TNNI3K: variants seen among roughly 807,000 people sequenced by gnomAD.
TNNI3K encodes TNNI3 interacting kinase.
A neutral mutation model predicts 114.5 loss-of-function variants in TNNI3K; 140 were observed. That is an observed-to-expected ratio of 1.22 (90% CI 1.07 to 1.41). The LOEUF (loss-of-function observed/expected upper bound fraction) is 1.41. Ranked by LOEUF, TNNI3K falls within the 40% of genes most tolerant of loss-of-function variation. The pLI is 0.00. For synonymous variants in TNNI3K, 347 were observed against 347.5 expected (o/e 1.00, Z 0.02); for missense variants, 1,125 against 1,007.6 (o/e 1.12, Z -1.58).
chr1:74,301,369 T>C (rs1241212696), intron 5 of TNNI3K, among the ~76,000 whole-genome samples: 2 of 151,914 alleles, frequency 1.3e-5, no homozygotes, highest in African/African-American at 4.8e-5. Flanking sequence ...CACTGCACCC[T>C]AGCCTAGGCA....
At chr1:74,300,853 A>C (rs1658282083) in intron 5 of TNNI3K, among the ~76,000 whole-genome samples, 3 of 152,166 alleles carry the variant, frequency 2.0e-5, no homozygotes, top group African/African-American at 7.2e-5. Flanking sequence ...TACTTTATCA[A>C]ACTCTACATT....
intron 5 of TNNI3K, among the ~76,000 whole-genome samples, chr1:74,289,484 G>A (rs1657542325): frequency 1.5e-5 from 1 of 65,254 alleles, no homozygotes; most frequent in Non-Finnish European, 3.4e-5. Context: ...CCCATAGGTA[G>A]TGTCATTAGT....
chr1:74,258,363 A>G (rs1016401293), intron 4 of TNNI3K, among the ~76,000 whole-genome samples: 2 of 152,180 alleles, frequency 1.3e-5, no homozygotes, highest in Non-Finnish European at 2.9e-5. Context: ...ACTCAGTGAG[A>G]CTTCCTATTA....
At chr1:74,305,627 C>T (rs1271136507) in intron 5 of TNNI3K, among the ~76,000 whole-genome samples, 1 of 152,124 alleles carries the variant, frequency 6.6e-6, no homozygotes, top group Non-Finnish European at 1.5e-5. Flanking sequence ...AGGCTGACAG[C>T]TAAGGGCTGT....
At chr1:74,458,128 C>T (rs1385636435) in intron 20 of TNNI3K, among the ~76,000 whole-genome samples, 3 of 152,134 alleles carry the variant, frequency 2.0e-5, no homozygotes, top group African/African-American at 7.2e-5. Context: ...AACAATGTGC[C>T]TGGAGCTCCA....
intron 23 of TNNI3K, among the ~76,000 whole-genome samples, chr1:74,513,233 G>A (rs781334114): frequency 2.0e-5 from 3 of 152,124 alleles, no homozygotes; most frequent in Non-Finnish European, 2.9e-5. Flanking sequence ...TTCCTAGTTC[G>A]TTTATTCAGC....
At position 74,354,062 on chromosome 1, in the gene TNNI3K, T is replaced by C. The variant is rs2100480735; in HGVS notation, c.1110T>C (p.Ala370=). 6.2e-7 allele frequency: 1 copy of C among 1,614,080 alleles called. No individual in the cohort carries two copies. ...ATGGAGCTGATATGAATCTAGTGGC[T>C]TGTGATCCCAGCAGGTCTAGTGGTG... ...LDNGADMNLV[A]CDPSRSSGEK... is the part of the protein sequence containing the mutation. The change falls in exon 11 of 25, where the codon GCT becomes GCC. Residue 370 remains alanine (A), a synonymous_variant. Transcript: ENST00000326637.
chr1:74,469,791 C>A (rs79673520), intron 21 of TNNI3K: 1 of 398,310 alleles, frequency 2.5e-6, no homozygotes, highest in Admixed American at 4.4e-5. Context: ...TGATCCACTT[C>A]TAATGCATGC....
At chr1:74,537,613 C>G (rs193135895) in intron 23 of TNNI3K, among the ~76,000 whole-genome samples, 1 of 152,260 alleles carries the variant, frequency 6.6e-6, no homozygotes, top group Non-Finnish European at 1.5e-5. Context: ...TTGCAGAGTA[C>G]TGGCTAACCC....
At chr1:74,378,629 T>TATATATATAAA (rs1553138862) in intron 17 of TNNI3K, 8 of 135,788 alleles carry the variant, frequency 5.9e-5, no homozygotes, top group African/African-American at 2.2e-4. Flanking sequence ...TATATATATA[T>TATATATATAAA]ATATATATAT....
At chr1:74,408,538 T>G (rs1210461499) in intron 17 of TNNI3K, among the ~76,000 whole-genome samples, 1 of 152,236 alleles carries the variant, frequency 6.6e-6, no homozygotes, top group Non-Finnish European at 1.5e-5. Flanking sequence ...GCTTGTGTTC[T>G]GATTTCCCCA....
chr1:74,462,388 C>T (rs1178510097), intron 20 of TNNI3K, among the ~76,000 whole-genome samples: 1 of 152,100 alleles, frequency 6.6e-6, no homozygotes, highest in Non-Finnish European at 1.5e-5. Context: ...GCAGCAATGT[C>T]CTGGAACTTT....
At chr1:74,268,781 C>A (rs1656170490) in intron 4 of TNNI3K, among the ~76,000 whole-genome samples, 1 of 151,774 alleles carries the variant, frequency 6.6e-6, no homozygotes, top group African/African-American at 2.4e-5. Flanking sequence ...GCCTTATATG[C>A]AGCTCAAATT....
At chr1:74,470,897 C>T (rs1174939785) in intron 21 of TNNI3K, 2 of 400,540 alleles carry the variant, frequency 5.0e-6, no homozygotes, top group South Asian at 2.5e-4. Flanking sequence ...ACATTCTGTC[C>T]CATGTGCTCA....
At chr1:74,311,546 C>A (rs1381520511) in intron 5 of TNNI3K, among the ~76,000 whole-genome samples, 1 of 152,074 alleles carries the variant, frequency 6.6e-6, no homozygotes, top group Admixed American at 6.6e-5. Flanking sequence ...TGAAATATGA[C>A]AAAAATAGAT....
In TNNI3K at chr1:74,294,024, CTAACA is replaced by C. The variant is rs1201708063; in HGVS notation, c.444+22320_444+22324del. 1.1e-4 allele frequency among the ~76,000 whole-genome samples: 17 copies of C among 151,682 alleles called. No homozygotes were observed. In the South Asian group the frequency reaches 1.7e-3, roughly 15 times the overall value. On this transcript the variant is annotated intron_variant, in intron 5 of 24. Transcript: ENST00000326637. Reference sequence around the variant, plus strand: ...TGAATGCCAAATTAATTTTGGATTCCTAACATAAGTTGCACTTTTTCTGACATGTC... The same window carrying C: ...TGAATGCCAAATTAATTTTGGATTCCTAAGTTGCACTTTTTCTGACATGTC...
At chr1:74,362,930 A>G (rs1186763448) in intron 11 of TNNI3K, among the ~76,000 whole-genome samples, 1 of 152,156 alleles carries the variant, frequency 6.6e-6, no homozygotes, top group Admixed American at 6.6e-5. Context: ...TGCTCCAGTG[A>G]ATAATACTCT....
rs200395943 is a variant in TNNI3K at position 74,249,437 on chromosome 1, A to G, written c.150-22A>G. The G allele has an allele frequency of 6.6e-5, 106 of 1,601,148 alleles. No homozygotes were observed. The Middle Eastern group carries it at 1.0e-3, about 15-fold the overall frequency. ...ATGCTAAAAGATGAATTTTGTGATCATCTGTAACATGTTTTTTTCAGCTCT... is the reference window on the plus strand; with the variant it reads ...ATGCTAAAAGATGAATTTTGTGATCGTCTGTAACATGTTTTTTTCAGCTCT... On this transcript the variant is annotated intron_variant, in intron 2 of 24. Transcript: ENST00000326637.
chr1:74,412,217 C>T (rs1557550503), intron 17 of TNNI3K, among the ~76,000 whole-genome samples: 1 of 152,026 alleles, frequency 6.6e-6, no homozygotes, highest in Non-Finnish European at 1.5e-5. Context: ...GTAACTTTTC[C>T]AGACTATGTA....
Sources: gnomAD v4.1 joint callset for allele counts (sites outside exome capture counted in the v4.1 genomes callset) on GRCh38, gnomAD v4.1.1 for gene constraint, MANE v1.5 for transcripts, NCBI Gene and HGNC (gene_info 2026-07-23, HGNC 2026-07-21) for gene names.